Variants in NDST4 observed in about 807,000 individuals in gnomAD.
NDST4 encodes the protein N-deacetylase and N-sulfotransferase 4, also known as N-heparan sulfate sulfotransferase 4.
Under a neutral mutation model 100.8 loss-of-function variants are expected in NDST4, and 63 were observed. The observed-to-expected ratio is 0.62, with a 90% CI of 0.51 to 0.77. NDST4 has a LOEUF of 0.77. NDST4 is among the 30% of genes least tolerant of loss of function. NDST4 has a pLI of 0.00. For missense variants in NDST4, 943 were observed against 1,018.4 expected (o/e 0.93, Z 1.01); for synonymous variants, 377 against 361.8 (o/e 1.04, Z -0.48).
intron 1 of NDST4, among the ~76,000 whole-genome samples, chr4:115,106,118 G>A (rs1271131524): frequency 1.3e-5 from 2 of 152,012 alleles, no homozygotes; most frequent in Admixed American, 6.6e-5. Context: ...GAACAGTGTG[G>A]GGGTAGGGCA....
chr4:114,839,579 A>ATT, intron 10 of NDST4, 31 bp from the exon 11 acceptor site: 1 of 1,605,186 alleles, frequency 6.2e-7, no homozygotes, highest in South Asian at 1.1e-5. Context: ...GTAAAGTTAG[A>ATT]TTTTTTTTAA....
At chr4:114,961,121 T>C (rs1425504370) in intron 4 of NDST4, among the ~76,000 whole-genome samples, 1 of 151,754 alleles carries the variant, frequency 6.6e-6, no homozygotes, top group African/African-American at 2.4e-5. Context: ...TAGGAATAAA[T>C]CACAAGGGAG....
intron 1 of NDST4, among the ~76,000 whole-genome samples, chr4:115,088,043 T>C (rs1477751226): frequency 6.6e-6 from 1 of 152,000 alleles, no homozygotes; most frequent in Non-Finnish European, 1.5e-5. Context: ...GAAATGTGAT[T>C]GAGACATCTT....
chr4:114,931,199 G>T (rs1341525597), intron 6 of NDST4, among the ~76,000 whole-genome samples: 1 of 151,406 alleles, frequency 6.6e-6, no homozygotes, highest in Non-Finnish European at 1.5e-5. Flanking sequence ...AGCCAAATGA[G>T]ATATTATATA....
chr4:115,032,671 T>C (rs1728140243), intron 2 of NDST4, among the ~76,000 whole-genome samples: 1 of 152,110 alleles, frequency 6.6e-6, no homozygotes, highest in Non-Finnish European at 1.5e-5. Flanking sequence ...ATTACCTCAG[T>C]TGTATTACAT....
At chr4:115,058,474 C>G (rs982607754) in intron 2 of NDST4, among the ~76,000 whole-genome samples, 6 of 152,116 alleles carry the variant, frequency 3.9e-5, no homozygotes, top group African/African-American at 1.4e-4. Context: ...AATATCCTAG[C>G]ATGATATTTT....
At chr4:114,930,850 T>A (rs1270930059) in intron 6 of NDST4, among the ~76,000 whole-genome samples, 1 of 152,038 alleles carries the variant, frequency 6.6e-6, no homozygotes, top group Non-Finnish European at 1.5e-5. Context: ...GTACATCTAT[T>A]TATAACAGAA....
chr4:114,912,010 A>T (rs547783131), intron 6 of NDST4, among the ~76,000 whole-genome samples: 1 of 152,312 alleles, frequency 6.6e-6, no homozygotes, highest in African/African-American at 2.4e-5. Context: ...TATGTTGGTA[A>T]TAACCTGCTA....
chr4:115,079,320 C>A (rs1387647770), intron 1 of NDST4, among the ~76,000 whole-genome samples: 1 of 150,082 alleles, frequency 6.7e-6, no homozygotes, highest in Non-Finnish European at 1.5e-5. Flanking sequence ...CAACTGCATG[C>A]CAGCCTGGCC....
At chr4:115,038,055 C>T (rs1300658133) in intron 2 of NDST4, among the ~76,000 whole-genome samples, 1 of 152,226 alleles carries the variant, frequency 6.6e-6, no homozygotes, top group East Asian at 1.9e-4. Context: ...ATACACTGTG[C>T]ATTTTGTGAG....
intron 2 of NDST4, among the ~76,000 whole-genome samples, chr4:115,029,936 A>C (rs1318125637): frequency 9.9e-5 from 15 of 152,128 alleles, no homozygotes; most frequent in African/African-American, 2.4e-4. Context: ...ATGGGGCATA[A>C]TTTTGTGATA....
At chr4:114,986,116 T>C (rs959395467) in intron 2 of NDST4, among the ~76,000 whole-genome samples, 1 of 152,220 alleles carries the variant, frequency 6.6e-6, no homozygotes, top group Non-Finnish European at 1.5e-5. Context: ...TGATTAAACA[T>C]ACTGGCAAAG....
intron 2 of NDST4, among the ~76,000 whole-genome samples, chr4:114,979,040 C>T (rs889224944): frequency 2.6e-5 from 4 of 151,976 alleles, no homozygotes; most frequent in Admixed American, 6.6e-5. Flanking sequence ...TCCTTGGTGC[C>T]TCCAACACCC....
chr4:114,991,310 A>G (rs893454866), intron 2 of NDST4, among the ~76,000 whole-genome samples: 3 of 152,100 alleles, frequency 2.0e-5, no homozygotes, highest in South Asian at 2.1e-4. Flanking sequence ...ACTCCTAACC[A>G]AAAGGGCCTT....
chr4:114,832,578 A>G (rs550306753), intron 12 of NDST4, among the ~76,000 whole-genome samples: 1 of 152,194 alleles, frequency 6.6e-6, no homozygotes, highest in Non-Finnish European at 1.5e-5. Flanking sequence ...TATTTTCCCA[A>G]GATGACAGCA....
chr4:115,002,564 T>C (rs7687949), intron 2 of NDST4, among the ~76,000 whole-genome samples: 51,766 of 151,602 alleles, frequency 0.34, 8,876 homozygotes, highest in South Asian at 0.49. Context: ...TCATGAAGTC[T>C]TTGCTCACGC....
chr4:115,089,926 T>C (rs1283068143), intron 1 of NDST4, among the ~76,000 whole-genome samples: 2 of 151,670 alleles, frequency 1.3e-5, no homozygotes, highest in African/African-American at 2.4e-5. Context: ...AATATTGGTA[T>C]ATGTCCCCAC....
intron 4 of NDST4, among the ~76,000 whole-genome samples, chr4:114,963,692 C>A (rs1284540354): frequency 2.0e-5 from 3 of 152,036 alleles, no homozygotes; most frequent in Admixed American, 6.6e-5. Context: ...ACATTTTCAA[C>A]TAGAGGCAAC....
chr4:115,076,889 C>T lies in NDST4; in HGVS notation c.148G>A (p.Ala50Thr), dbSNP rs1213156732. The change falls in exon 2 of 14, where the codon GCA (alanine) becomes ACA (threonine). Residue 50 changes from alanine to threonine, a missense_variant. Physicochemically the swap from Ala to Thr is moderately conservative, Grantham distance 58. Coordinates refer to ENST00000264363, the MANE Select transcript of NDST4 (RefSeq NM_022569.3). ...EMTLIETTAE[A>T]ECTDIKILPY... ...AGAATTTTGATGTCAGTGCATTCTG[C>T]TTCTGCAGTGGTTTCAATAAGTGTC... The T allele has an allele frequency of 6.2e-7, 1 of 1,613,826 alleles. No individual in the cohort carries two copies. Among genetic ancestry groups the T allele is most frequent in the Non-Finnish European group, 8.5e-7 (1 of 1,179,868 alleles).
Sources: gnomAD v4.1 joint callset for allele counts (sites outside exome capture counted in the v4.1 genomes callset) on GRCh38, gnomAD v4.1.1 for gene constraint, MANE v1.5 for transcripts, NCBI Gene and HGNC (gene_info 2026-07-23, HGNC 2026-07-21) for gene names.